The following RGS7 variants were observed in gnomAD, a reference collection of about 807,000 sequenced individuals.
The protein encoded by RGS7 is regulator of G-protein signaling 7.
In RGS7, 27 loss-of-function variants were observed where a neutral mutation model predicts 81.1. That is an observed-to-expected ratio of 0.33 (90% CI 0.25 to 0.46). The LOEUF is 0.46. RGS7 is among the 20% of genes least tolerant of loss of function. The pLI is 1.00. For missense variants in RGS7, 396 were observed against 607.4 expected (o/e 0.65, Z 3.66); for synonymous variants, 208 against 207.7 (o/e 1.00, Z -0.01).
chr1:240,972,260 G>T (rs1227769458), intron 4 of RGS7, among the ~76,000 whole-genome samples: 1 of 151,598 alleles, frequency 6.6e-6, no homozygotes, highest in African/African-American at 2.4e-5. Flanking sequence ...TGTTTATTGC[G>T]GCATTATTCA....
chr1:241,028,269 C>A (rs2059893757), intron 3 of RGS7, among the ~76,000 whole-genome samples: 1 of 152,116 alleles, frequency 6.6e-6, no homozygotes, highest in South Asian at 2.1e-4. Context: ...GATTGGGAAT[C>A]CAAATCAAAA....
chr1:241,312,079 TA>T (rs2080569053), intron 2 of RGS7, among the ~76,000 whole-genome samples: 1 of 152,236 alleles, frequency 6.6e-6, no homozygotes, highest in African/African-American at 2.4e-5. Context: ...TTAAGATCAA[TA>T]ACCAGTAGAT....
intron 4 of RGS7, among the ~76,000 whole-genome samples, chr1:240,977,109 CA>C (rs1470561003): frequency 6.7e-5 from 10 of 149,718 alleles, no homozygotes; most frequent in Non-Finnish European, 1.5e-4. Context: ...CACACACACA[CA>C]CACACACACA....
chr1:241,156,404 G>C (rs1399034373), intron 2 of RGS7, among the ~76,000 whole-genome samples: 1 of 151,870 alleles, frequency 6.6e-6, no homozygotes, highest in African/African-American at 2.4e-5. Context: ...TACTAGGAAG[G>C]CTGAGGCAAG....
intron 4 of RGS7, among the ~76,000 whole-genome samples, chr1:240,953,651 C>A (rs992529623): frequency 6.6e-6 from 1 of 151,752 alleles, no homozygotes; most frequent in African/African-American, 2.4e-5. Context: ...AAGAAAGATA[C>A]AAAATTAATA....
At chr1:240,968,962 G>T (rs574143682) in intron 4 of RGS7, among the ~76,000 whole-genome samples, 1 of 152,076 alleles carries the variant, frequency 6.6e-6, no homozygotes, top group Non-Finnish European at 1.5e-5. Flanking sequence ...AAGAAATACC[G>T]CATTATCTTT....
chr1:240,830,563 T>G (rs918754336), intron 9 of RGS7, among the ~76,000 whole-genome samples: 2 of 152,202 alleles, frequency 1.3e-5, no homozygotes, highest in Non-Finnish European at 2.9e-5. Context: ...ATGTAATCAT[T>G]TATCCACAAA....
chr1:241,056,402 T>A (rs550099392), intron 3 of RGS7, among the ~76,000 whole-genome samples: 1 of 152,228 alleles, frequency 6.6e-6, no homozygotes, highest in Admixed American at 6.5e-5. Flanking sequence ...CTCATTCATT[T>A]ACGTTTTTGT....
At chr1:241,097,155 T>C (rs2064314774) in intron 3 of RGS7, among the ~76,000 whole-genome samples, 1 of 151,718 alleles carries the variant, frequency 6.6e-6, no homozygotes, top group African/African-American at 2.4e-5. Flanking sequence ...CAGGAGAGTT[T>C]TCACCAATGA....
At chr1:241,240,398 T>C (rs920328739) in intron 2 of RGS7, among the ~76,000 whole-genome samples, 2 of 152,158 alleles carry the variant, frequency 1.3e-5, no homozygotes, top group Non-Finnish European at 2.9e-5. Context: ...CAGCAGTAGA[T>C]AGGTTTGATG....
At chr1:241,146,409 T>C (rs909110698) in intron 2 of RGS7, among the ~76,000 whole-genome samples, 1 of 152,198 alleles carries the variant, frequency 6.6e-6, no homozygotes, top group African/African-American at 2.4e-5. Flanking sequence ...GATTTTGGTA[T>C]CTGAGGGGAA....
chr1:241,234,304 A>C (rs2075814669), intron 2 of RGS7, among the ~76,000 whole-genome samples: 1 of 152,102 alleles, frequency 6.6e-6, no homozygotes, highest in African/African-American at 2.4e-5. Context: ...AAACAATAGA[A>C]CCCCTAATTT....
At chr1:241,170,609 A>G (rs1197729664) in intron 2 of RGS7, among the ~76,000 whole-genome samples, 1 of 152,190 alleles carries the variant, frequency 6.6e-6, no homozygotes, top group African/African-American at 2.4e-5. Context: ...CAAGGCTACC[A>G]TGTTGTCATG....
intron 2 of RGS7, among the ~76,000 whole-genome samples, chr1:241,219,137 G>A (rs2074746662): frequency 6.6e-6 from 1 of 152,102 alleles, no homozygotes; most frequent in Non-Finnish European, 1.5e-5. Context: ...TAACTTCATA[G>A]ACATAGTGAT....
chr1:241,292,911 C>A (rs140021210), intron 2 of RGS7, among the ~76,000 whole-genome samples: 1 of 152,296 alleles, frequency 6.6e-6, no homozygotes. Context: ...AAATAAATTA[C>A]AATGCATTCA....
chr1:241,330,778 A>G (rs1281432132), intron 2 of RGS7, among the ~76,000 whole-genome samples: 2 of 152,338 alleles, frequency 1.3e-5, no homozygotes, highest in East Asian at 1.9e-4. Context: ...GGGGACTCCA[A>G]CAGCAGGGAG....
At chr1:241,204,474 G>A (rs1238260150) in intron 2 of RGS7, among the ~76,000 whole-genome samples, 1 of 152,018 alleles carries the variant, frequency 6.6e-6, no homozygotes, top group Non-Finnish European at 1.5e-5. Context: ...TGAATAAAGA[G>A]GAAATTCATT....
chr1:241,231,221 T>G (rs902115594), intron 2 of RGS7, among the ~76,000 whole-genome samples: 1 of 152,232 alleles, frequency 6.6e-6, no homozygotes, highest in Admixed American at 6.5e-5. Flanking sequence ...GGGAGGACTC[T>G]GCCACTGTTT....
chr1:240,895,523 T>A (rs1261846120), intron 6 of RGS7, among the ~76,000 whole-genome samples: 1 of 151,844 alleles, frequency 6.6e-6, no homozygotes, highest in Non-Finnish European at 1.5e-5. Context: ...CACCTATGAG[T>A]GAGAACATGC....
Sources: allele counts gnomAD v4.1 joint callset (sites outside exome capture counted in the v4.1 genomes callset), GRCh38; gene constraint gnomAD v4.1.1; transcripts MANE v1.5; gene names NCBI Gene and HGNC (gene_info 2026-07-23, HGNC 2026-07-21).